Variants in CNDP1 observed in about 807,000 individuals in gnomAD.
The protein encoded by CNDP1 is carnosine dipeptidase 1.
Under a neutral mutation model 58.1 loss-of-function variants are expected in CNDP1, and 44 were observed. That is an observed-to-expected ratio of 0.76 (90% CI 0.60 to 0.97). The LOEUF (loss-of-function observed/expected upper bound fraction) is 0.97. CNDP1 is among the 50% of genes least tolerant of loss of function. CNDP1 has a pLI of 0.00. For missense variants in CNDP1, 616 were observed against 655.1 expected (o/e 0.94, Z 0.65); for synonymous variants, 254 against 252.6 (o/e 1.01, Z -0.05).
rs35859995 is a variant in CNDP1, at chr18:74,585,994, C to CAAAAAA, written c.*1452_*1457dup. 2 of 68,202 alleles carry CAAAAAA rather than the reference C, an allele frequency of 2.9e-5. No individual in the cohort carries two copies. Among genetic ancestry groups the CAAAAAA allele is most frequent in the Non-Finnish European group, 5.1e-5 (2 of 39,042 alleles). 4.2% of individuals were successfully genotyped at this position (68,202 alleles called of 1,614,324 possible). On this transcript the variant is annotated 3_prime_UTR_variant, in exon 12 of 12. Transcript: ENST00000358821. ...GGGCGACAGAGTGAGACTCCGTCTC[C>CAAAAAA]AAAAAAAAAAAAAAAAAAAAAAAAA...
intron 8 of CNDP1, 117 bp from the exon 9 acceptor site, chr18:74,578,046 G>C: frequency 2.2e-6 from 2 of 898,554 alleles, no homozygotes; most frequent in Non-Finnish European, 3.4e-6. Context: ...AGCTGAGTAA[G>C]GTGACAGTTA....
At chr18:74,536,120 C>A (rs1381282781) in intron 1 of CNDP1, among the ~76,000 whole-genome samples, 1 of 152,072 alleles carries the variant, frequency 6.6e-6, no homozygotes, top group Admixed American at 6.5e-5. Flanking sequence ...ATATATTTTC[C>A]CCTTTGCTAT....
chr18:74,572,525 C>T (rs113677164), intron 7 of CNDP1, among the ~76,000 whole-genome samples: 24,839 of 152,090 alleles, frequency 0.16, 2,250 homozygotes, highest in African/African-American at 0.24. Context: ...TGGTCACTCA[C>T]GCCTGCAATC....
intron 1 of CNDP1, among the ~76,000 whole-genome samples, chr18:74,543,804 G>A (rs1405188004): frequency 1.3e-5 from 2 of 151,958 alleles, no homozygotes; most frequent in African/African-American, 2.4e-5. Context: ...AGGAAATGAG[G>A]CCAGGCACTA....
At chr18:74,547,944 C>T (rs943773075) in intron 1 of CNDP1, among the ~76,000 whole-genome samples, 1 of 152,114 alleles carries the variant, frequency 6.6e-6, no homozygotes, top group Non-Finnish European at 1.5e-5. Flanking sequence ...AAACACAGGC[C>T]TATGCAGCAA....
intron 9 of CNDP1, among the ~76,000 whole-genome samples, chr18:74,579,695 A>C (rs1472967742): frequency 1.3e-5 from 2 of 152,184 alleles, no homozygotes; most frequent in African/African-American, 4.8e-5. Context: ...GAAATTTCCC[A>C]AATACTTAAT....
At chr18:74,584,138 C>A (rs550926422) in intron 11 of CNDP1, 33 of 320,028 alleles carry the variant, frequency 1.0e-4, no homozygotes, top group African/African-American at 6.3e-4. Context: ...ACAAAAAAGG[C>A]TATTAGGAAT....
chr18:74,584,854 C>G lies in CNDP1; in HGVS notation c.*292C>G, dbSNP rs1027289208. On this transcript the variant is annotated 3_prime_UTR_variant, in exon 12 of 12. Transcript: ENST00000358821. ...GCCCCAGGATTGGATTCCTTCAAAC[C>G]TTTTAGCATATCTCCAACCTTGCAA... 1 of 314,272 alleles carries G rather than the reference C, an allele frequency of 3.2e-6. No individual in the cohort carries two copies. Among genetic ancestry groups the G allele is most frequent in the African/African-American group, 2.1e-5 (1 of 48,310 alleles). The allele number at this position is 314,272 out of a possible 1,614,324, so 19.5% of individuals were successfully genotyped here. A position where few individuals can be genotyped will look rare whatever the true frequency, so the allele number is the denominator to read the frequency against.
intron 4 of CNDP1, chr18:74,561,605 C>T (rs770381232): frequency 6.2e-5 from 10 of 161,148 alleles, no homozygotes; most frequent in Non-Finnish European, 1.2e-4. Context: ...AAATGTAATT[C>T]GCCTTTTATA....
intron 1 of CNDP1, among the ~76,000 whole-genome samples, chr18:74,555,826 G>A (rs1217900296): frequency 2.0e-5 from 3 of 152,098 alleles, no homozygotes; most frequent in Admixed American, 6.5e-5. Flanking sequence ...CACCTCAGAC[G>A]TTTTTCTTCC....
intron 1 of CNDP1, among the ~76,000 whole-genome samples, chr18:74,551,642 G>A (rs1449954003): frequency 6.6e-6 from 1 of 152,146 alleles, no homozygotes; most frequent in Non-Finnish European, 1.5e-5. Context: ...TCAGGTCAGG[G>A]CATCAGGTCA....
At position 74,584,577 on chromosome 18, in the gene CNDP1, T is replaced by G; in HGVS notation, c.*15T>G. Reference sequence around the variant, plus strand: ...AGCTCCATTAATCACAAGAACCTTCTAGTCTGATCTGATCCACTGACAGAT... The same window carrying G: ...AGCTCCATTAATCACAAGAACCTTCGAGTCTGATCTGATCCACTGACAGAT... On this transcript the variant is annotated 3_prime_UTR_variant, in exon 12 of 12. Transcript: ENST00000358821. The G allele has an allele frequency of 6.3e-7, 1 of 1,598,342 alleles. No homozygotes were observed. Among genetic ancestry groups the G allele is most frequent in the South Asian group, 1.1e-5 (1 of 90,762 alleles).
chr18:74,568,098 G>A (rs1981376849), intron 6 of CNDP1, among the ~76,000 whole-genome samples: 1 of 152,192 alleles, frequency 6.6e-6, no homozygotes, highest in African/African-American at 2.4e-5. Context: ...CTGTGATAGT[G>A]CATAAGACAT....
chr18:74,553,518 T>C (rs576661892), intron 1 of CNDP1, among the ~76,000 whole-genome samples: 1 of 152,262 alleles, frequency 6.6e-6, no homozygotes, highest in South Asian at 2.1e-4. Context: ...GAAAAGACTG[T>C]TTTCCCCCAT....
chr18:74,570,345 T>C (rs1421833479), intron 6 of CNDP1, among the ~76,000 whole-genome samples: 1 of 152,102 alleles, frequency 6.6e-6, no homozygotes, highest in Admixed American at 6.5e-5. Flanking sequence ...GGTGGTCCAG[T>C]GGTCTTGTAA....
rs144587048 is a variant in CNDP1, at chr18:74,580,212, C to T, written c.1250C>T (p.Pro417Leu). The T allele has an allele frequency of 3.2e-5, 51 of 1,613,918 alleles. No homozygotes were observed. The highest frequency in any genetic ancestry group is 1.6e-4 in the Middle Eastern group (1 of 6,084). The change falls in exon 10 of 12, where the codon CCG becomes CTG. Residue 417 changes from proline (P) to leucine (L), a missense_variant. Pro to Leu is a moderately conservative substitution (Grantham distance 98). Coordinates refer to ENST00000358821, the MANE Select transcript of CNDP1 (RefSeq NM_032649.6). Reference sequence around the variant, plus strand: ...GTTTCCATGACTCTAGGACTACACCCGTGGATTGCAAATATTGATGACACC... The same window carrying T: ...GTTTCCATGACTCTAGGACTACACCTGTGGATTGCAAATATTGATGACACC... ...MVVSMTLGLH[P>L]WIANIDDTQY... is the part of the protein sequence containing the mutation.
intron 7 of CNDP1, among the ~76,000 whole-genome samples, chr18:74,573,161 A>G (rs1031952157): frequency 6.6e-6 from 1 of 151,142 alleles, no homozygotes; most frequent in Non-Finnish European, 1.5e-5. Flanking sequence ...CTATCCATCT[A>G]TCATCTTTCT....
rs151304098 is a variant in CNDP1 at position 74,567,364 on chromosome 18, C to T, written c.687C>T (p.Asn229=). The change falls in exon 6 of 12, where the codon AAC becomes AAT. Residue 229 remains asparagine (N), a synonymous_variant. Coordinates refer to ENST00000358821, the MANE Select transcript of CNDP1 (RefSeq NM_032649.6). ...TGGACTACATTGTAATTTCAGATAA[C>T]CTGTGGATCAGCCAAAGGAAGCCAG... ...SGVDYIVISD[N]LWISQRKPAI... is the part of the protein sequence containing the mutation. 2.5e-6 allele frequency: 4 copies of T among 1,614,138 alleles called. No individual in the cohort carries two copies. The highest frequency in any genetic ancestry group is 1.7e-6 in the Non-Finnish European group (2 of 1,180,018).
intron 7 of CNDP1, 76 bp from the exon 8 acceptor site, chr18:74,576,793 C>G: frequency 7.1e-7 from 1 of 1,407,650 alleles, no homozygotes; most frequent in South Asian, 1.4e-5. Flanking sequence ...AAGAGTCCTC[C>G]CACAGTCTGG....
Sources: allele counts gnomAD v4.1 joint callset (sites outside exome capture counted in the v4.1 genomes callset), GRCh38; gene constraint gnomAD v4.1.1; transcripts MANE v1.5; gene names NCBI Gene and HGNC (gene_info 2026-07-23, HGNC 2026-07-21).